NRG3: variants seen among roughly 807,000 people sequenced by gnomAD.
NRG3 encodes the protein pro-neuregulin-3, membrane-bound isoform.
Under a neutral mutation model 66.9 loss-of-function variants are expected in NRG3, and 31 were observed. That is an observed-to-expected ratio of 0.46 (90% CI 0.35 to 0.63). NRG3 has a LOEUF of 0.63. NRG3 is among the 20% of genes least tolerant of loss of function. The pLI is 0.00. For synonymous variants in NRG3, 393 were observed against 359.4 expected (o/e 1.09, Z -1.06); for missense variants, 910 against 878.9 (o/e 1.04, Z -0.45).
At chr10:82,462,154 A>AATCT (rs1342648043) in intron 2 of NRG3, among the ~76,000 whole-genome samples, 119 of 151,922 alleles carry the variant, frequency 7.8e-4, no homozygotes, top group Non-Finnish European at 1.3e-3. Flanking sequence ...TAAATAAATA[A>AATCT]ATCTATCTAT....
intron 1 of NRG3, among the ~76,000 whole-genome samples, chr10:82,098,475 G>C (rs185233233): frequency 6.6e-6 from 1 of 152,116 alleles, no homozygotes; most frequent in Non-Finnish European, 1.5e-5. Context: ...CCTTGGGGTG[G>C]TGTAGTGAGA....
At chr10:82,623,392 G>A (rs890522751) in intron 2 of NRG3, among the ~76,000 whole-genome samples, 1 of 152,130 alleles carries the variant, frequency 6.6e-6, no homozygotes, top group African/African-American at 2.4e-5. Flanking sequence ...GAACTACTTA[G>A]TTCATTTATC....
Position 82,559,533 on chromosome 10 carries a change from C to T in NRG3, c.954-179044C>T, listed in dbSNP as rs565450146. On this transcript the variant is annotated intron_variant, in intron 2 of 8. Coordinates refer to ENST00000372141, the MANE Select transcript of NRG3 (RefSeq NM_001010848.4). ...GCTAGTAGCCTGTATGAAGAGTGGT[C>T]TTAGTATGAACAAGGGTTGGACCCA... Among the ~76,000 whole-genome samples, 11 of 152,216 alleles carry T rather than the reference C, an allele frequency of 7.2e-5. No individual in the cohort carries two copies. In the South Asian group the frequency reaches 2.3e-3, roughly 32 times the overall value.
chr10:82,882,400 A>G (rs1237680562), intron 4 of NRG3, among the ~76,000 whole-genome samples: 1 of 152,164 alleles, frequency 6.6e-6, no homozygotes, highest in Non-Finnish European at 1.5e-5. Flanking sequence ...ACATGAGTAG[A>G]GTTTTCTTGA....
intron 1 of NRG3, among the ~76,000 whole-genome samples, chr10:81,999,818 A>C (rs1564725869): frequency 6.6e-6 from 1 of 152,328 alleles, no homozygotes; most frequent in East Asian, 1.9e-4. Context: ...TCTCTAAGTA[A>C]CACAGAAATT....
At chr10:82,220,492 G>A (rs978204558) in intron 1 of NRG3, among the ~76,000 whole-genome samples, 1 of 152,046 alleles carries the variant, frequency 6.6e-6, no homozygotes, top group Non-Finnish European at 1.5e-5. Flanking sequence ...GTGTTAGGGG[G>A]ATCCTACAGG....
chr10:81,966,191 A>G (rs1442374628), intron 1 of NRG3, among the ~76,000 whole-genome samples: 1 of 151,766 alleles, frequency 6.6e-6, no homozygotes, highest in Non-Finnish European at 1.5e-5. Context: ...ATATACAGCT[A>G]AATGTTGAAC....
chr10:82,306,972 C>G (rs2134892190), intron 1 of NRG3, among the ~76,000 whole-genome samples: 2 of 152,002 alleles, frequency 1.3e-5, no homozygotes, highest in Middle Eastern at 3.4e-3. Flanking sequence ...TTGCAATTTC[C>G]TCTGACATAA....
At chr10:82,761,256 C>G (rs1243829717) in intron 3 of NRG3, among the ~76,000 whole-genome samples, 2 of 152,028 alleles carry the variant, frequency 1.3e-5, no homozygotes, top group Admixed American at 6.6e-5. Flanking sequence ...AATAGCAATT[C>G]TTCAGAAATA....
chr10:82,500,287 G>A (rs10509454), intron 2 of NRG3, among the ~76,000 whole-genome samples: 20,203 of 152,034 alleles, frequency 0.13, 1,460 homozygotes, highest in Admixed American at 0.21. Flanking sequence ...ATTAAGTGTT[G>A]CATTAAGCCA....
chr10:81,938,601 C>T lies in NRG3; in HGVS notation c.823+62438C>T, dbSNP rs141244961. ...TTGTACGCTGCAACTTTGCTGAATT[C>T]GTTTATGAGTTCTGACAGTGTGTGT... On this transcript the variant is annotated intron_variant, in intron 1 of 8. Transcript: ENST00000372141. 6.9e-3 allele frequency among the ~76,000 whole-genome samples: 989 copies of T among 143,118 alleles called. 7 individuals are homozygous for T. The highest frequency in any genetic ancestry group is 0.011 in the Middle Eastern group (3 of 266). 93.9% of individuals were successfully genotyped at this position (143,118 alleles called of 152,430 possible).
chr10:82,074,962 A>G (rs1184531790), intron 1 of NRG3, among the ~76,000 whole-genome samples: 1 of 152,166 alleles, frequency 6.6e-6, no homozygotes, highest in Non-Finnish European at 1.5e-5. Context: ...CAAATCCTCA[A>G]AAGCAGTGGG....
intron 1 of NRG3, among the ~76,000 whole-genome samples, chr10:82,316,203 A>G (rs2081286817): frequency 6.6e-6 from 1 of 152,152 alleles, no homozygotes; most frequent in South Asian, 2.1e-4. Context: ...AGAAAGAATT[A>G]CTTACAACAT....
At chr10:82,740,796 C>G (rs1353228663) in intron 3 of NRG3, among the ~76,000 whole-genome samples, 1 of 140,970 alleles carries the variant, frequency 7.1e-6, no homozygotes, top group East Asian at 2.1e-4. Context: ...TGTACTCCAG[C>G]CTGGGTGACA....
chr10:82,298,931 G>T (rs778285325), intron 1 of NRG3, among the ~76,000 whole-genome samples: 4 of 152,160 alleles, frequency 2.6e-5, no homozygotes, highest in Non-Finnish European at 4.4e-5. Context: ...AAGAGCTGAG[G>T]TCGGCTCCTC....
At chr10:82,495,289 C>T (rs979086686) in intron 2 of NRG3, among the ~76,000 whole-genome samples, 7 of 152,106 alleles carry the variant, frequency 4.6e-5, no homozygotes, top group African/African-American at 1.7e-4. Flanking sequence ...CAAGGCTATC[C>T]CTCTTATGGT....
chr10:82,680,157 A>C (rs1277718544), intron 2 of NRG3, among the ~76,000 whole-genome samples: 5 of 152,164 alleles, frequency 3.3e-5, no homozygotes, highest in Non-Finnish European at 7.4e-5. Flanking sequence ...CACCCTATGA[A>C]ATAGGTACTA....
intron 3 of NRG3, among the ~76,000 whole-genome samples, chr10:82,795,961 G>A (rs958814665): frequency 7.9e-5 from 12 of 151,956 alleles, no homozygotes; most frequent in African/African-American, 2.7e-4. Flanking sequence ...AAAGAAGGTC[G>A]TTCCTTTAAC....
chr10:82,555,984 G>A (rs1051547761), intron 2 of NRG3, among the ~76,000 whole-genome samples: 1 of 152,026 alleles, frequency 6.6e-6, no homozygotes, highest in South Asian at 2.1e-4. Flanking sequence ...TTGCAACTTG[G>A]ATTTCTCTCA....
Sources: allele counts gnomAD v4.1 joint callset (sites outside exome capture counted in the v4.1 genomes callset), GRCh38; gene constraint gnomAD v4.1.1; transcripts MANE v1.5; gene names NCBI Gene and HGNC (gene_info 2026-07-23, HGNC 2026-07-21).